The following LEMD3 variants were observed in gnomAD, a reference collection of about 807,000 sequenced individuals.
LEMD3 encodes inner nuclear membrane protein Man1.
In LEMD3, 33 loss-of-function variants were observed where a neutral mutation model predicts 95.2. That is an observed-to-expected ratio of 0.35 (90% confidence interval 0.26 to 0.46). The LOEUF (loss-of-function observed/expected upper bound fraction) is 0.46. LEMD3 is among the 20% of genes least tolerant of loss of function. The pLI is 1.00. For missense variants in LEMD3, 1,210 were observed against 1,192.8 expected, an observed-to-expected ratio of 1.01 and a Z score of -0.21; for synonymous variants, 525 against 474.6, an observed-to-expected ratio of 1.11 and a Z score of -1.38.
intron 1 of LEMD3, among the ~76,000 whole-genome samples, chr12:65,187,595 C>A (rs1869106242): frequency 6.6e-6 from 1 of 150,468 alleles, no homozygotes; most frequent in Non-Finnish European, 1.5e-5. Context: ...TTCCCACTTC[C>A]CCCCTTTAAA....
intron 9 of LEMD3, among the ~76,000 whole-genome samples, chr12:65,242,513 T>C (rs1369298115): frequency 2.6e-5 from 4 of 152,232 alleles, no homozygotes; most frequent in African/African-American, 9.6e-5. Context: ...TCAGTGTTCC[T>C]AGTCTAGTTA....
chr12:65,193,734 G>GTGTGTA (rs1869320010), intron 1 of LEMD3, among the ~76,000 whole-genome samples: 1 of 120,012 alleles, frequency 8.3e-6, no homozygotes, highest in Non-Finnish European at 2.0e-5. Context: ...ATAACTGGCT[G>GTGTGTA]TGTGTGTGTG....
intron 1 of LEMD3, among the ~76,000 whole-genome samples, chr12:65,176,002 A>C (rs995879616): frequency 6.6e-6 from 1 of 152,014 alleles, no homozygotes; most frequent in African/African-American, 2.4e-5. Flanking sequence ...CAAGTCCTGT[A>C]GTTCTGTTTC....
chr12:65,210,640 A>C (rs1869908232), intron 1 of LEMD3, among the ~76,000 whole-genome samples: 1 of 152,198 alleles, frequency 6.6e-6, no homozygotes, highest in Non-Finnish European at 1.5e-5. Context: ...AAGAGACATT[A>C]CTAATAAGTG....
In LEMD3 at chr12:65,247,864, A is replaced by G. The variant is rs1448181368; in HGVS notation, c.*1539A>G. The G allele has an allele frequency of 6.6e-6, 1 of 152,504 alleles. No individual in the cohort carries two copies. The highest frequency in any genetic ancestry group is 2.4e-5 in the African/African-American group (1 of 41,410). The allele number at this position is 152,504 out of a possible 1,614,324, so 9.4% of individuals were successfully genotyped here. A position where few individuals can be genotyped will look rare whatever the true frequency, so the allele number is the denominator to read the frequency against. On this transcript the variant is annotated 3_prime_UTR_variant, in exon 13 of 13. Coordinates refer to ENST00000308330, the MANE Select transcript of LEMD3 (RefSeq NM_014319.5). ...CCTTGTTTATGAAGAATAAAAAATGATTTGTTATCTGAAGAGAATAAATTT... is the reference window on the plus strand; with the variant it reads ...CCTTGTTTATGAAGAATAAAAAATGGTTTGTTATCTGAAGAGAATAAATTT...
In LEMD3 at chr12:65,247,286, T is replaced by A. The variant is rs1307724486; in HGVS notation, c.*961T>A. 1.3e-5 allele frequency: 2 copies of A among 152,606 alleles called. No individual in the cohort carries two copies. The highest frequency in any genetic ancestry group is 4.8e-5 in the African/African-American group (2 of 41,458). The allele number at this position is 152,606 out of a possible 1,614,324, so 9.5% of individuals were successfully genotyped here. A position where few individuals can be genotyped will look rare whatever the true frequency, so the allele number is the denominator to read the frequency against. ...AATATTTTGTGAAAAGCTGTATTTA[T>A]TATAAATACTAGGGCCATGACATAG... On this transcript the variant is annotated 3_prime_UTR_variant, in exon 13 of 13. Transcript: ENST00000308330.
Position 65,170,987 on chromosome 12 carries a change from C to G in LEMD3, c.1391C>G (p.Pro464Arg), listed in dbSNP as rs1277596817. ...LQQFKREEVS[P>R]TGSFSAHYLS... Reference sequence around the variant, plus strand: ...CAATTTAAACGGGAGGAGGTGTCCCCAACAGGGAGTTTCAGTGCCCACTAC... The same window carrying G: ...CAATTTAAACGGGAGGAGGTGTCCCGAACAGGGAGTTTCAGTGCCCACTAC... The change falls in exon 1 of 13, where the codon CCA becomes CGA. Residue 464 changes from proline (P) to arginine (R), a missense_variant. Around this residue, in one of 2 missense-constraint regions of LEMD3, gnomAD observed 461 missense variants for 569.8 expected, o/e 0.81. Transcript: ENST00000308330. 1 of 1,614,200 alleles carries G rather than the reference C, an allele frequency of 6.2e-7. No individual in the cohort carries two copies. Among genetic ancestry groups the G allele is most frequent in the Admixed American group, 1.7e-5 (1 of 60,026 alleles).
chr12:65,195,284 T>C lies in LEMD3; in HGVS notation c.1523-15642T>C, dbSNP rs61507061. ...AATACCATCCGGATGTCGAAAAATA[T>C]CACAAAAATGTAACACATGTACGTA... On this transcript the variant is annotated intron_variant, in intron 1 of 12. Transcript: ENST00000308330. 4.1e-3 allele frequency among the ~76,000 whole-genome samples: 630 copies of C among 152,152 alleles called. 9 individuals are homozygous for C. The East Asian group carries it at 0.056, about 13-fold the overall frequency.
At chr12:65,181,320 T>A (rs546083949) in intron 1 of LEMD3, among the ~76,000 whole-genome samples, 100 of 152,292 alleles carry the variant, frequency 6.6e-4, no homozygotes, top group African/African-American at 2.3e-3. Context: ...ATTCATTCAG[T>A]CACGCATTCA....
intron 1 of LEMD3, among the ~76,000 whole-genome samples, chr12:65,172,727 TTTC>T (rs1868592707): frequency 6.7e-6 from 1 of 149,912 alleles, no homozygotes; most frequent in Admixed American, 6.7e-5. Flanking sequence ...GCCTTTTTCT[TTTC>T]TTTTTTTTTT....
chr12:65,236,282 C>T (rs1870770194), intron 4 of LEMD3, among the ~76,000 whole-genome samples: 1 of 152,174 alleles, frequency 6.6e-6, no homozygotes, highest in Non-Finnish European at 1.5e-5. Context: ...TGGCTCATGC[C>T]TGTAATCCTA....
chr12:65,189,007 A>T (rs546660373), intron 1 of LEMD3, among the ~76,000 whole-genome samples: 2 of 152,280 alleles, frequency 1.3e-5, no homozygotes, highest in African/African-American at 4.8e-5. Flanking sequence ...CTGAAAATGG[A>T]TACTATCAAA....
At chr12:65,242,989 T>C (rs2136356701) in intron 9 of LEMD3, among the ~76,000 whole-genome samples, 1 of 152,262 alleles carries the variant, frequency 6.6e-6, no homozygotes, top group South Asian at 2.1e-4. Context: ...CCCCAGGAGC[T>C]GTGTACAAGC....
chr12:65,233,177 A>G (rs1870680354), intron 4 of LEMD3, among the ~76,000 whole-genome samples: 2 of 152,174 alleles, frequency 1.3e-5, no homozygotes, highest in South Asian at 4.1e-4. Flanking sequence ...GTATCCAGCT[A>G]CTATGTGATG....
At chr12:65,194,243 C>A (rs2136326289) in intron 1 of LEMD3, among the ~76,000 whole-genome samples, 1 of 152,244 alleles carries the variant, frequency 6.6e-6, no homozygotes, top group South Asian at 2.1e-4. Flanking sequence ...TTCTTGTAAC[C>A]ATCCAGTGGG....
chr12:65,226,373 G>A (rs1020688244), intron 4 of LEMD3, among the ~76,000 whole-genome samples: 4 of 152,124 alleles, frequency 2.6e-5, no homozygotes, highest in Non-Finnish European at 5.9e-5. Context: ...CTAGGTGCAG[G>A]AACCTTTTAA....
intron 1 of LEMD3, among the ~76,000 whole-genome samples, chr12:65,195,810 G>A (rs1291636808): frequency 6.6e-6 from 1 of 152,110 alleles, no homozygotes; most frequent in Non-Finnish European, 1.5e-5. Flanking sequence ...CTCTGGTGCA[G>A]AGAGAGAGAC....
chr12:65,212,328 G>A (rs1869963995), intron 2 of LEMD3, among the ~76,000 whole-genome samples: 2 of 152,092 alleles, frequency 1.3e-5, no homozygotes, highest in African/African-American at 4.8e-5. Flanking sequence ...TATCACAAGT[G>A]TTAAAATTCA....
intron 1 of LEMD3, among the ~76,000 whole-genome samples, chr12:65,209,893 C>T (rs1869885908): frequency 6.6e-6 from 1 of 151,954 alleles, no homozygotes; most frequent in African/African-American, 2.4e-5. Flanking sequence ...GAAACCTGGT[C>T]AGTGTGAACT....
Sources: allele counts gnomAD v4.1 joint callset (sites outside exome capture counted in the v4.1 genomes callset), GRCh38; gene constraint gnomAD v4.1.1; regional missense constraint gnomAD v4.1.1; transcripts MANE v1.5; gene names NCBI Gene and HGNC (gene_info 2026-07-23, HGNC 2026-07-21).